The following CACNA2D3 variants were observed in gnomAD, a reference collection of about 807,000 sequenced individuals.
CACNA2D3 encodes the protein voltage-dependent calcium channel subunit alpha-2/delta-3.
CACNA2D3 carries 60 observed loss-of-function variants against 160.6 expected under a neutral mutation model. The ratio of observed to expected loss-of-function variants is 0.37; its 90% confidence interval spans 0.30 to 0.46. CACNA2D3 has a LOEUF of 0.46. Among genes scored for constraint, CACNA2D3 ranks in the 20% least tolerant of loss-of-function variants. The pLI is 1.00. For missense variants in CACNA2D3, 1,205 were observed against 1,365.0 expected (o/e 0.88, Z 1.85); for synonymous variants, 558 against 492.9 (o/e 1.13, Z -1.75).
At chr3:54,699,867 G>A (rs1365843965) in intron 11 of CACNA2D3, among the ~76,000 whole-genome samples, 2 of 152,140 alleles carry the variant, frequency 1.3e-5, no homozygotes, top group Admixed American at 6.5e-5. Flanking sequence ...CACACAGTAA[G>A]GGTGCTTACT....
intron 2 of CACNA2D3, among the ~76,000 whole-genome samples, chr3:54,204,948 A>C (rs1167923516): frequency 6.6e-6 from 1 of 152,156 alleles, no homozygotes; most frequent in Admixed American, 6.5e-5. Flanking sequence ...TTAGAAAAAA[A>C]CATAGAGAAT....
intron 4 of CACNA2D3, among the ~76,000 whole-genome samples, chr3:54,457,280 A>G (rs1700416159): frequency 6.6e-6 from 1 of 151,956 alleles, no homozygotes; most frequent in Non-Finnish European, 1.5e-5. Flanking sequence ...TTGTTTCAAT[A>G]AATTTTTCAA....
At chr3:54,473,523 A>C (rs942376043) in intron 4 of CACNA2D3, among the ~76,000 whole-genome samples, 2 of 152,248 alleles carry the variant, frequency 1.3e-5, no homozygotes, top group Admixed American at 1.3e-4. Context: ...AAAAGCCAAA[A>C]TTGAGAAATG....
intron 11 of CACNA2D3, among the ~76,000 whole-genome samples, chr3:54,721,775 A>G (rs1454587177): frequency 1.1e-4 from 16 of 151,740 alleles, no homozygotes; most frequent in East Asian, 3.9e-4. Flanking sequence ...AAAAAAAAAA[A>G]AAAAGAAAAG....
intron 27 of CACNA2D3, among the ~76,000 whole-genome samples, chr3:54,947,234 G>A (rs1364985581): frequency 1.3e-5 from 2 of 152,164 alleles, no homozygotes; most frequent in Non-Finnish European, 2.9e-5. Flanking sequence ...GGGATCACTG[G>A]ATTCTAATTC....
In CACNA2D3 at chr3:54,562,878, C is replaced by T; in HGVS notation, c.623C>T (p.Ser208Phe). Residue 208 changes from serine (S) to phenylalanine (F), a missense_variant, in exon 6 of 38, where the codon TCT (serine) becomes TTT (phenylalanine). By Grantham distance (155) the Ser-to-Phe change is radical. This residue lies in a region of CACNA2D3 where 131 missense variants were observed against 201.5 expected (regional missense o/e 0.65). Transcript: ENST00000474759. The stretch of plus-strand genomic sequence containing the variant: ...GTAGATAACTTTGACCGTGACCCAT[C>T]TCTCATATGGCAGTACTTTGGAAGT... ...VFVDNFDRDP[S>F]LIWQYFGSAK... 2 of 1,613,638 alleles carry T rather than the reference C, an allele frequency of 1.2e-6. No homozygotes were observed. Among genetic ancestry groups the T allele is most frequent in the Non-Finnish European group, 1.7e-6 (2 of 1,179,604 alleles).
At chr3:54,194,101 G>A (rs1053686318) in intron 2 of CACNA2D3, among the ~76,000 whole-genome samples, 1 of 152,140 alleles carries the variant, frequency 6.6e-6, no homozygotes, top group Non-Finnish European at 1.5e-5. Context: ...GGGGGATAAA[G>A]AGAGGTTGGT....
chr3:54,714,729 CT>C (rs1701019404), intron 11 of CACNA2D3, among the ~76,000 whole-genome samples: 1 of 152,206 alleles, frequency 6.6e-6, no homozygotes, highest in Admixed American at 6.5e-5. Context: ...GATGGTAGCA[CT>C]GTGTTGAAGG....
At chr3:54,950,644 A>G (rs1197819906) in intron 27 of CACNA2D3, among the ~76,000 whole-genome samples, 1 of 152,206 alleles carries the variant, frequency 6.6e-6, no homozygotes, top group Non-Finnish European at 1.5e-5. Context: ...GTGGCAGGGC[A>G]GCCTCAACAG....
At chr3:54,618,375 G>GCA (rs56788185) in intron 9 of CACNA2D3, among the ~76,000 whole-genome samples, 26,012 of 115,332 alleles carry the variant, frequency 0.23, 3,235 homozygotes, top group East Asian at 0.34. Context: ...ATATATATAT[G>GCA]CACACACACA....
chr3:54,180,379 G>C (rs985142249), intron 2 of CACNA2D3, among the ~76,000 whole-genome samples: 4 of 152,288 alleles, frequency 2.6e-5, no homozygotes, highest in Middle Eastern at 3.4e-3. Flanking sequence ...GTCAGACGTA[G>C]AGTGGGCACA....
chr3:54,266,916 CT>C (rs367571999), intron 2 of CACNA2D3, among the ~76,000 whole-genome samples: 6 of 150,818 alleles, frequency 4.0e-5, no homozygotes, highest in African/African-American at 7.3e-5. Flanking sequence ...GGGACAGTGG[CT>C]TTTTTTTTGC....
At chr3:54,830,651 C>T (rs925848441) in intron 14 of CACNA2D3, among the ~76,000 whole-genome samples, 12 of 152,012 alleles carry the variant, frequency 7.9e-5, no homozygotes, top group Non-Finnish European at 1.5e-4. Flanking sequence ...GACGGGTTTT[C>T]GCCACGTTGG....
In CACNA2D3 at chr3:54,837,146, C is replaced by G. The variant is rs769783571; in HGVS notation, c.1399-13C>G. Reference sequence around the variant, plus strand: ...GACCGTTCCCCGGTAACTGGCTTTTCTCTTCCATCCAGCTGACTGATGATC... The same window carrying G: ...GACCGTTCCCCGGTAACTGGCTTTTGTCTTCCATCCAGCTGACTGATGATC... On this transcript the variant is annotated splice_polypyrimidine_tract_variant and intron_variant, in intron 14 of 37. Coordinates refer to ENST00000474759, the MANE Select transcript of CACNA2D3 (RefSeq NM_018398.3). The G allele has an allele frequency of 1.2e-6, 2 of 1,613,568 alleles. No individual in the cohort carries two copies. The highest frequency in any genetic ancestry group is 1.7e-6 in the Non-Finnish European group (2 of 1,179,512).
intron 13 of CACNA2D3, among the ~76,000 whole-genome samples, chr3:54,794,563 T>A (rs1702828433): frequency 1.3e-5 from 2 of 152,080 alleles, no homozygotes; most frequent in South Asian, 4.1e-4. Flanking sequence ...CTTTAATTTT[T>A]CCTATAGTTC....
At chr3:54,557,344 C>T (rs1702256807) in intron 5 of CACNA2D3, among the ~76,000 whole-genome samples, 1 of 152,156 alleles carries the variant, frequency 6.6e-6, no homozygotes, top group African/African-American at 2.4e-5. Flanking sequence ...GTAAATGAAA[C>T]ATCCTCAGTT....
chr3:54,287,159 C>G (rs1424904311), intron 2 of CACNA2D3, among the ~76,000 whole-genome samples: 5 of 152,092 alleles, frequency 3.3e-5, no homozygotes, highest in Admixed American at 6.5e-5. Context: ...CAAGACCCAT[C>G]AGTGTGCTGT....
chr3:54,898,842 C>A (rs1700261142), intron 26 of CACNA2D3, among the ~76,000 whole-genome samples: 1 of 152,140 alleles, frequency 6.6e-6, no homozygotes, highest in African/African-American at 2.4e-5. Context: ...TAGGACATTT[C>A]ATAACCCCCT....
chr3:54,301,293 CAA>C (rs966304092), intron 2 of CACNA2D3, among the ~76,000 whole-genome samples: 11 of 138,034 alleles, frequency 8.0e-5, no homozygotes, highest in Admixed American at 3.6e-4. Flanking sequence ...AACAAACAAA[CAA>C]AAGACAGAAA....
Sources: gnomAD v4.1 joint callset for allele counts (sites outside exome capture counted in the v4.1 genomes callset) on GRCh38, gnomAD v4.1.1 for gene constraint, gnomAD v4.1.1 regional missense constraint, MANE v1.5 for transcripts, NCBI Gene and HGNC (gene_info 2026-07-23, HGNC 2026-07-21) for gene names.